The following HELZ variants were observed in gnomAD, a reference collection of about 807,000 sequenced individuals.
The protein encoded by HELZ is helicase with zinc finger, also known as ATP-dependent RNA helicase with zinc finger domain.
HELZ carries 23 observed loss-of-function variants against 218.2 expected under a neutral mutation model. The observed-to-expected ratio is 0.11, with a 90% CI of 0.08 to 0.15. HELZ has a LOEUF of 0.15. Among genes scored for constraint, HELZ ranks in the 10% least tolerant of loss-of-function variants. HELZ has a pLI of 1.00. For synonymous variants in HELZ, 814 were observed against 829.4 expected, an observed-to-expected ratio of 0.98 and a Z score of 0.32; for missense variants, 1,813 against 2,353.7, an observed-to-expected ratio of 0.77 and a Z score of 4.75.
chr17:67,144,399 T>C (rs4790889), intron 21 of HELZ, among the ~76,000 whole-genome samples: 45,237 of 151,238 alleles, frequency 0.3, 7,837 homozygotes, highest in East Asian at 0.69. Context: ...GTTTGAAATG[T>C]CTCTAAAGTT....
Position 67,076,830 on chromosome 17 carries a change from C to T in HELZ, c.*1422G>A, listed in dbSNP as rs1261672611. On this transcript the variant is annotated 3_prime_UTR_variant, in exon 33 of 33. Coordinates refer to ENST00000358691, the MANE Select transcript of HELZ (RefSeq NM_014877.4). ...GATCATCAGGAAGATTGGGTTCATT[C>T]GAAAGGTTCCCCAGCCTCATCTTAT... 1 of 152,004 alleles carries T rather than the reference C, an allele frequency of 6.6e-6. No homozygotes were observed. The highest frequency in any genetic ancestry group is 2.4e-5 in the African/African-American group (1 of 41,370). 9.4% of individuals were successfully genotyped at this position (152,004 alleles called of 1,614,324 possible). A position where few individuals can be genotyped will look rare whatever the true frequency, so the allele number is the denominator to read the frequency against.
At chr17:67,239,260 G>C (rs1053983820) in intron 3 of HELZ, among the ~76,000 whole-genome samples, 173 bp downstream of exon 3, 1 of 152,192 alleles carries the variant, frequency 6.6e-6, no homozygotes, top group Non-Finnish European at 1.5e-5. Context: ...CAGTCTCTTC[G>C]GAGCTTGTTC....
intron 31 of HELZ, 52 bp from the exon 32 acceptor site, chr17:67,087,133 C>T: frequency 6.4e-7 from 1 of 1,567,694 alleles, no homozygotes; most frequent in Non-Finnish European, 8.8e-7. Flanking sequence ...GTGCCATAGT[C>T]CTCTCTCTTT....
At chr17:67,197,387 C>T (rs371283678) in intron 7 of HELZ, among the ~76,000 whole-genome samples, 7 of 152,252 alleles carry the variant, frequency 4.6e-5, no homozygotes, top group African/African-American at 1.4e-4. Context: ...TTATTAGCAG[C>T]GTGAAAACAG....
chr17:67,178,008 T>A (rs554314994), intron 13 of HELZ, among the ~76,000 whole-genome samples: 1 of 152,126 alleles, frequency 6.6e-6, no homozygotes, highest in Non-Finnish European at 1.5e-5. Context: ...TTTTTAAGGC[T>A]TGTCTCCAGT....
Position 67,086,921 on chromosome 17 carries a change from G to A in HELZ, c.5402C>T (p.Pro1801Leu), listed in dbSNP as rs538310655. Reference protein sequence around the residue: ...SNQSSFNFSSPESWVNTTSST... With the variant: ...SNQSSFNFSSLESWVNTTSST... ...TGAGGTGGTGTTTACCCAGGACTCC[G>A]GGGATGAAAAGTTGAAAGAAGATTG... is the stretch of plus-strand genomic sequence containing the variant. The change falls in exon 32 of 33, where the codon CCG becomes CTG. Residue 1801 changes from proline to leucine, a missense_variant. This residue lies in a region of HELZ where 938 missense variants were observed against 1,027.5 expected (regional missense o/e 0.91). Transcript: ENST00000358691. 7 of 1,613,120 alleles carry A rather than the reference G, an allele frequency of 4.3e-6. No individual in the cohort carries two copies. Among genetic ancestry groups the A allele is most frequent in the South Asian group, 3.3e-5 (3 of 91,036 alleles).
intron 15 of HELZ, among the ~76,000 whole-genome samples, chr17:67,164,170 A>G (rs984786209): frequency 1.3e-5 from 2 of 152,240 alleles, no homozygotes; most frequent in Non-Finnish European, 2.9e-5. Flanking sequence ...CTTCCTGTAC[A>G]AAGCTCAGAG....
chr17:67,109,850 AT>A (rs983690212), intron 28 of HELZ, among the ~76,000 whole-genome samples, 164 bp from the exon 29 acceptor site: 5 of 151,890 alleles, frequency 3.3e-5, no homozygotes, highest in Non-Finnish European at 5.9e-5. Flanking sequence ...AATAAAGGAA[AT>A]TTTTTTTTAA....
upstream of HELZ, chr17:67,245,498 C>G: frequency 1.0e-6 from 1 of 985,878 alleles, no homozygotes; most frequent in Non-Finnish European, 1.2e-6. Context: ...AGACGCCCCG[C>G]GTCTGCATTG....
chr17:67,113,748 T>C (rs1171509802), intron 28 of HELZ, among the ~76,000 whole-genome samples: 2 of 152,218 alleles, frequency 1.3e-5, no homozygotes, highest in Non-Finnish European at 2.9e-5. Context: ...GAAGAGTCAC[T>C]GAGACAACTG....
At chr17:67,193,569 T>C (rs991364798) in intron 9 of HELZ, among the ~76,000 whole-genome samples, 9 of 150,972 alleles carry the variant, frequency 6.0e-5, no homozygotes, top group Non-Finnish European at 1.2e-4. Context: ...TACAAAAAAT[T>C]AGCCAGTGTG....
rs1319058741 is a variant in HELZ at position 67,078,201 on chromosome 17, C to T, written c.*51G>A. 7.6e-7 allele frequency: 1 copy of T among 1,321,400 alleles called. No individual in the cohort carries two copies. Among genetic ancestry groups the T allele is most frequent in the Non-Finnish European group, 1.1e-6 (1 of 921,150 alleles). 81.9% of individuals were successfully genotyped at this position (1,321,400 alleles called of 1,614,324 possible). A position where few individuals can be genotyped will look rare whatever the true frequency, so the allele number is the denominator to read the frequency against. On this transcript the variant is annotated 3_prime_UTR_variant, in exon 33 of 33. Coordinates refer to ENST00000358691, the MANE Select transcript of HELZ (RefSeq NM_014877.4). ...ATGAAGTCCAACTACCTTAATTCTACTGATACAAACAGAAATTAAAACATT... is the reference window on the plus strand; with the variant it reads ...ATGAAGTCCAACTACCTTAATTCTATTGATACAAACAGAAATTAAAACATT...
intron 28 of HELZ, among the ~76,000 whole-genome samples, chr17:67,110,809 A>G (rs1381655277): frequency 6.6e-6 from 1 of 152,234 alleles, no homozygotes; most frequent in African/African-American, 2.4e-5. Context: ...CCCCAAGGCT[A>G]AGATTTACTA....
intron 31 of HELZ, among the ~76,000 whole-genome samples, chr17:67,089,664 T>TAGAGAGAGAGAG (rs1451569948): frequency 8.8e-5 from 4 of 45,460 alleles, no homozygotes; most frequent in African/African-American, 3.8e-4. Context: ...TATATATATA[T>TAGAGAGAGAGAG]ATATAGAGAG....
intron 27 of HELZ, among the ~76,000 whole-genome samples, chr17:67,119,580 C>T (rs767691329): frequency 6.6e-6 from 1 of 152,122 alleles, no homozygotes; most frequent in Non-Finnish European, 1.5e-5. Flanking sequence ...TAAAACTCAT[C>T]AATGTACGTT....
chr17:67,137,787 T>C (rs1390938221), intron 22 of HELZ, 144 bp downstream of exon 22: 1 of 608,350 alleles, frequency 1.6e-6, no homozygotes, highest in Non-Finnish European at 2.8e-6. Context: ...ATTCAACCTT[T>C]AATTGCCAAA....
chr17:67,118,601 A>G (rs980066372), intron 27 of HELZ, among the ~76,000 whole-genome samples: 2 of 150,846 alleles, frequency 1.3e-5, no homozygotes, highest in South Asian at 4.2e-4. Flanking sequence ...CTGTAGTCCC[A>G]GATACTCAGG....
intron 12 of HELZ, among the ~76,000 whole-genome samples, chr17:67,179,239 T>A (rs752168151): frequency 2.0e-5 from 3 of 152,164 alleles, no homozygotes; most frequent in Non-Finnish European, 2.9e-5. Context: ...CAAGAGAAAT[T>A]TGAATCTGCG....
chr17:67,212,445 A>G (rs2040483440), intron 5 of HELZ, among the ~76,000 whole-genome samples: 1 of 152,010 alleles, frequency 6.6e-6, no homozygotes, highest in Non-Finnish European at 1.5e-5. Context: ...CGAAACTATA[A>G]TTAACAGAGA....
Sources: allele counts gnomAD v4.1 joint callset (sites outside exome capture counted in the v4.1 genomes callset), GRCh38; gene constraint gnomAD v4.1.1; regional missense constraint gnomAD v4.1.1; transcripts MANE v1.5; gene names NCBI Gene and HGNC (gene_info 2026-07-23, HGNC 2026-07-21).